OR1G1: variants seen among roughly 807,000 people sequenced by gnomAD.
OR1G1 encodes the protein olfactory receptor 1G1.
For missense variants in OR1G1, 347 were observed against 375.5 expected (o/e 0.92, Z 0.63); for synonymous variants, 145 against 149.6 (o/e 0.97, Z 0.22).
Position 3,127,278 on chromosome 17 carries a change from T to C in OR1G1, c.274A>G (p.Ile92Val). The C allele has an allele frequency of 1.2e-6, 2 of 1,614,154 alleles. No homozygotes were observed. The highest frequency in any genetic ancestry group is 2.7e-5 in the African/African-American group (2 of 75,028). Residue 92 changes from isoleucine to valine, a missense_variant, in exon 1 of 1, where the codon ATC (isoleucine) becomes GTC (valine). Coordinates refer to ENST00000328890, the MANE Select transcript of OR1G1 (RefSeq NM_003555.1). ...LANIQIQSQAISYSGCLLQLY... is the reference protein window; with the variant it reads ...LANIQIQSQAVSYSGCLLQLY... The stretch of plus-strand genomic sequence containing the variant: ...TGTAGTAGACACCCTGAGTAGGAGA[T>C]GGCCTGACTCTGGATCTGTATGTTT...
Position 3,127,427 on chromosome 17 carries a change from T to A in OR1G1, c.125A>T (p.Asn42Ile). Residue 42 changes from asparagine to isoleucine, a missense_variant, in exon 1 of 1, where the codon AAC (asparagine) becomes ATC (isoleucine). Asn to Ile is a moderately radical substitution (Grantham distance 149). Transcript: ENST00000328890. Reference protein sequence around the residue: ...LFMYLVTVAGNLLIILVIITD... With the variant: ...LFMYLVTVAGILLIILVIITD... Reference sequence around the variant, plus strand: ...AATGATGACTAGAATGATGAGGAGGTTGCCTGCCACCGTGACCAAGTACAT... The same window carrying A: ...AATGATGACTAGAATGATGAGGAGGATGCCTGCCACCGTGACCAAGTACAT... The A allele has an allele frequency of 6.2e-7, 1 of 1,613,532 alleles. No homozygotes were observed. The highest frequency in any genetic ancestry group is 8.5e-7 in the Non-Finnish European group (1 of 1,179,808).
chr17:3,127,167 G>A lies in OR1G1; in HGVS notation c.385C>T (p.Pro129Ser). The A allele has an allele frequency of 6.2e-7, 1 of 1,614,146 alleles. No homozygotes were observed. The highest frequency in any genetic ancestry group is 8.5e-7 in the Non-Finnish European group (1 of 1,180,038). ...AYDCYVAICHPLHYILIMSPG... is the reference protein window; with the variant it reads ...AYDCYVAICHSLHYILIMSPG... ...CTCATGATCAGAATGTAATGAAGTGGGTGGCATATGGCCACGTAGCAGTCA... is the reference window on the plus strand; with the variant it reads ...CTCATGATCAGAATGTAATGAAGTGAGTGGCATATGGCCACGTAGCAGTCA... Residue 129 changes from proline to serine, a missense_variant, in exon 1 of 1, where the codon CCA (proline) becomes TCA (serine). Physicochemically the swap from Pro to Ser is moderately conservative, Grantham distance 74. Transcript: ENST00000328890.
Position 3,127,110 on chromosome 17 carries a change from A to T in OR1G1, c.442T>A (p.Ser148Thr). 6.2e-7 allele frequency: 1 copy of T among 1,614,126 alleles called. No individual in the cohort carries two copies. The highest frequency in any genetic ancestry group is 1.1e-5 in the South Asian group (1 of 91,082). Residue 148 changes from serine to threonine, a missense_variant, in exon 1 of 1, where the codon TCC (serine) becomes ACC (threonine). Transcript: ENST00000328890. ...GAGTGGAGGGCATTCATGATCCAGG[A>T]TGCAGACACGAGGAAGATGCAGAGC... ...PGLCIFLVSA[S>T]WIMNALHSLL...
Position 3,126,799 on chromosome 17 carries a change from G to C in OR1G1, c.753C>G (p.Phe251Leu), listed in dbSNP as rs768252800. ...CSSHLSVVSL[F>L]FGTSFCVDFS... ...AATCAACACAAAAAGAAGTCCCAAA[G>C]AAGAGAGAGACCACGGAGAGATGAG... Residue 251 changes from phenylalanine (F) to leucine (L), a missense_variant, in exon 1 of 1, where the codon TTC (phenylalanine) becomes TTG (leucine). Phe to Leu is a conservative substitution (Grantham distance 22). Coordinates refer to ENST00000328890, the MANE Select transcript of OR1G1 (RefSeq NM_003555.1). The C allele has an allele frequency of 1.2e-6, 2 of 1,613,872 alleles. No homozygotes were observed. Among genetic ancestry groups the C allele is most frequent in the Non-Finnish European group, 1.7e-6 (2 of 1,179,914 alleles).
rs373171702 is a variant in OR1G1 at position 3,126,962 on chromosome 17, A to T, written c.590T>A (p.Leu197Gln). Residue 197 changes from leucine to glutamine, a missense_variant, in exon 1 of 1, where the codon CTG becomes CAG. By Grantham distance (113) the Leu-to-Gln change is moderately radical. Coordinates refer to ENST00000328890, the MANE Select transcript of OR1G1 (RefSeq NM_003555.1). ...GAGACCCCCAGTGATGAAGATCACC[A>T]GCTCATTGGTGAAGGGGTCTGTGCA... ...LSCTDPFTNELVIFITGGLTG... is the reference protein window; with the variant it reads ...LSCTDPFTNEQVIFITGGLTG... The T allele has an allele frequency of 1.2e-6, 2 of 1,614,066 alleles. No homozygotes were observed. The highest frequency in any genetic ancestry group is 2.7e-5 in the African/African-American group (2 of 74,938).
rs371225357 is a variant in OR1G1 at position 3,127,342 on chromosome 17, A to G, written c.210T>C (p.Asp70=). Residue 70 remains aspartate, a synonymous_variant, in exon 1 of 1, where the codon GAT becomes GAC. Transcript: ENST00000328890. ...YFFLANLSLA[D]ACFVSTTVPK... ...GGACTGTGGTGGACACAAAGCAGGC[A>G]TCTGCAAGGGAGAGGTTGGCTAGAA... 23 of 1,614,224 alleles carry G rather than the reference A, an allele frequency of 1.4e-5. No homozygotes were observed. Among genetic ancestry groups the G allele is most frequent in the South Asian group, 6.6e-5 (6 of 91,080 alleles).
rs747824660 is a variant in OR1G1, at chr17:3,126,866, G to A, written c.686C>T (p.Pro229Leu). 1 of 1,614,120 alleles carries A rather than the reference G, an allele frequency of 6.2e-7. No individual in the cohort carries two copies. The highest frequency in any genetic ancestry group is 8.5e-7 in the Non-Finnish European group (1 of 1,180,016). ...GGCTTTCCGCTTCCCCTGAGCTGAT[G>A]GGATCTTCAGGATGGTCGAGAAAAC... ...TNVFSTILKI[P>L]SAQGKRKAFS... is the part of the protein sequence containing the mutation. Residue 229 changes from proline (P) to leucine (L), a missense_variant, in exon 1 of 1, where the codon CCA (proline) becomes CTA (leucine). Transcript: ENST00000328890.
rs2047998439 is a variant in OR1G1, at chr17:3,126,701, A to G, written c.851T>C (p.Met284Thr). 1 of 1,613,400 alleles carries G rather than the reference A, an allele frequency of 6.2e-7. No homozygotes were observed. The highest frequency in any genetic ancestry group is 8.5e-7 in the Non-Finnish European group (1 of 1,179,812). ...ASVMYTVVTPMLNPFIYSLRN... is the reference protein window; with the variant it reads ...ASVMYTVVTPTLNPFIYSLRN... ...CAAACTGTAGATAAAGGGATTCAAC[A>G]TTGGAGTTACCACTGTGTACATCAC... Residue 284 changes from methionine (M) to threonine (T), a missense_variant, in exon 1 of 1, where the codon ATG (methionine) becomes ACG (threonine). By Grantham distance (81) the Met-to-Thr change is moderately conservative (BLOSUM62 -1). Transcript: ENST00000328890.
chr17:3,126,681 T>G lies in OR1G1; in HGVS notation c.871A>C (p.Ser291Arg), dbSNP rs763772454. Residue 291 changes from serine (S) to arginine (R), a missense_variant, in exon 1 of 1, where the codon AGT becomes CGT. Ser to Arg is a moderately radical substitution (Grantham distance 110, BLOSUM62 -1). Transcript: ENST00000328890. ...VTPMLNPFIY[S>R]LRNQEIKSSL... is the part of the protein sequence containing the mutation. ...GACTTTATTTCTTGGTTCCTCAAAC[T>G]GTAGATAAAGGGATTCAACATTGGA... 3.7e-6 allele frequency: 6 copies of G among 1,605,824 alleles called. No individual in the cohort carries two copies. The highest frequency in any genetic ancestry group is 5.1e-6 in the Non-Finnish European group (6 of 1,177,518).
rs200684411 is a variant in OR1G1, at chr17:3,126,870, T to A, written c.682A>T (p.Ile228Phe). ...TTCCGCTTCCCCTGAGCTGATGGGA[T>A]CTTCAGGATGGTCGAGAAAACGTTC... ...YTNVFSTILK[I>F]PSAQGKRKAF... is the part of the protein sequence containing the mutation. The change falls in exon 1 of 1, where the codon ATC (isoleucine) becomes TTC (phenylalanine). Residue 228 changes from isoleucine to phenylalanine, a missense_variant. Ile to Phe is a conservative substitution (Grantham distance 21, BLOSUM62 0). Transcript: ENST00000328890. The A allele has an allele frequency of 1.2e-6, 2 of 1,613,890 alleles. No homozygotes were observed. The highest frequency in any genetic ancestry group is 1.7e-6 in the Non-Finnish European group (2 of 1,179,958).
At position 3,126,715 on chromosome 17, in the gene OR1G1, T is replaced by G. The variant is rs765225680; in HGVS notation, c.837A>C (p.Thr279=). 2.0e-5 allele frequency: 32 copies of G among 1,613,924 alleles called. No homozygotes were observed. Among genetic ancestry groups the G allele is most frequent in the Non-Finnish European group, 2.6e-5 (31 of 1,179,972 alleles). The change falls in exon 1 of 1, where the codon ACA becomes ACC. Residue 279 remains threonine (T), a synonymous_variant. Coordinates refer to ENST00000328890, the MANE Select transcript of OR1G1 (RefSeq NM_003555.1). The part of the protein sequence containing the change: ...QKDTVASVMY[T]VVTPMLNPFI... ...AGGGATTCAACATTGGAGTTACCAC[T>G]GTGTACATCACTGATGCAACTGTGT...
In OR1G1 at chr17:3,127,536, G is replaced by T. The variant is rs1567956731; in HGVS notation, c.16C>A (p.Leu6Met). Residue 6 changes from leucine (L) to methionine (M), a missense_variant, in exon 1 of 1, where the codon CTG becomes ATG. Physicochemically the swap from Leu to Met is conservative, Grantham distance 15 (BLOSUM62 2). Transcript: ENST00000328890. The part of the protein sequence containing the change: MEGKN[L>M]TSISECFLLG... ...AGGAAACATTCTGAGATGCTGGTCA[G>T]ATTTTTCCCCTCCATTTGTCTGTAG... 7.4e-6 allele frequency: 12 copies of T among 1,612,844 alleles called. No homozygotes were observed. Among genetic ancestry groups the T allele is most frequent in the Non-Finnish European group, 1.0e-5 (12 of 1,179,396 alleles).
chr17:3,126,952 G>A lies in OR1G1; in HGVS notation c.600C>T (p.Phe200=). ...TGAGTCCTGTGAGACCCCCAGTGAT[G>A]AAGATCACCAGCTCATTGGTGAAGG... ...TDPFTNELVI[F]ITGGLTGLIC... The change falls in exon 1 of 1, where the codon TTC becomes TTT. Residue 200 remains phenylalanine, a synonymous_variant. Transcript: ENST00000328890. The A allele has an allele frequency of 1.2e-6, 2 of 1,614,170 alleles. No homozygotes were observed. Among genetic ancestry groups the A allele is most frequent in the Non-Finnish European group, 1.7e-6 (2 of 1,180,028 alleles).
At position 3,127,528 on chromosome 17, in the gene OR1G1, G is replaced by A. The variant is rs145185747; in HGVS notation, c.24C>T (p.Ser8=). The change falls in exon 1 of 1, where the codon AGC becomes AGT. Residue 8 remains serine (S), a synonymous_variant. Coordinates refer to ENST00000328890, the MANE Select transcript of OR1G1 (RefSeq NM_003555.1). MEGKNLT[S]ISECFLLGFS... ...ACCCCAGGAGGAAACATTCTGAGAT[G>A]CTGGTCAGATTTTTCCCCTCCATTT... 1.1e-3 allele frequency: 1,723 copies of A among 1,613,092 alleles called. 23 individuals carry two copies. The East Asian group carries it at 0.03, about 28-fold the overall frequency.
rs569673538 is a variant in OR1G1, at chr17:3,126,943, C to T, written c.609G>A (p.Gly203=). ...GCACACAAATGAGTCCTGTGAGACC[C>T]CCAGTGATGAAGATCACCAGCTCAT... ...FTNELVIFIT[G]GLTGLICVLC... Residue 203 remains glycine, a synonymous_variant, in exon 1 of 1, where the codon GGG becomes GGA. Coordinates refer to ENST00000328890, the MANE Select transcript of OR1G1 (RefSeq NM_003555.1). 2 of 1,614,060 alleles carry T rather than the reference C, an allele frequency of 1.2e-6. No homozygotes were observed. Among genetic ancestry groups the T allele is most frequent in the East Asian group, 2.2e-5 (1 of 44,870 alleles).
rs1253583887 is a variant in OR1G1 at position 3,127,365 on chromosome 17, GA to G, written c.186del (p.Leu63Ter). On this transcript the variant is annotated frameshift_variant, in exon 1 of 1. Transcript: ENST00000328890. LOFTEE classifies it low-confidence loss of function (END_TRUNC). ...GCATCTGCAAGGGAGAGGTTGGCTA[GA>G]AAGAAGTACATGGGGGTATGGAGTT... ...DTQLHTPMYF[F>X]LANLSLADAC... The G allele has an allele frequency of 1.2e-6, 2 of 1,614,064 alleles. No homozygotes were observed. Among genetic ancestry groups the G allele is most frequent in the African/African-American group, 1.3e-5 (1 of 74,920 alleles).
rs2047998152 is a variant in OR1G1 at position 3,126,622 on chromosome 17, A to G, written c.930T>C (p.Ile310=). 2 of 1,577,172 alleles carry G rather than the reference A, an allele frequency of 1.3e-6. No individual in the cohort carries two copies. The highest frequency in any genetic ancestry group is 1.7e-6 in the Non-Finnish European group (2 of 1,163,476). ...SLRKLIWVRK[I]HSP is the part of the protein sequence containing the mutation. ...CAAGTCACTACCACTAAGGGGAATG[A>G]ATTTTCCGAACCCAGATTAACTTTC... is the stretch of plus-strand genomic sequence containing the variant. The change falls in exon 1 of 1, where the codon ATT becomes ATC. Residue 310 remains isoleucine (I), a synonymous_variant. Coordinates refer to ENST00000328890, the MANE Select transcript of OR1G1 (RefSeq NM_003555.1).
rs139946195 is a variant in OR1G1 at position 3,126,848 on chromosome 17, C to T, written c.704G>A (p.Arg235Gln). 1.2e-4 allele frequency: 196 copies of T among 1,614,052 alleles called. No individual in the cohort carries two copies. In the Admixed American group the frequency reaches 2.2e-3, roughly 18 times the overall value. The change falls in exon 1 of 1, where the codon CGG becomes CAG. Residue 235 changes from arginine (R) to glutamine (Q), a missense_variant. Arg to Gln is a conservative substitution (Grantham distance 43). Transcript: ENST00000328890. ...AGAGCTGCAGGTGGAAAAGGCTTTC[C>T]GCTTCCCCTGAGCTGATGGGATCTT... ...ILKIPSAQGK[R>Q]KAFSTCSSHL...
At position 3,127,035 on chromosome 17, in the gene OR1G1, C is replaced by T. The variant is rs760534327; in HGVS notation, c.517G>A (p.Glu173Lys). The T allele has an allele frequency of 2.5e-6, 4 of 1,614,050 alleles. 1 individual carries two copies. In the South Asian group the frequency reaches 4.4e-5, roughly 18 times the overall value. The change falls in exon 1 of 1, where the codon GAG (glutamate) becomes AAG (lysine). Residue 173 changes from glutamate to lysine, a missense_variant. Transcript: ENST00000328890. ...ATGTCACAGAAGAAGTGTGGGATCT[C>T]ATGGTTTGCGCAGAAGGACAGGCTG... ...MNSLSFCANH[E>K]IPHFFCDINP...
Sources: allele counts gnomAD v4.1 joint callset, GRCh38; gene constraint gnomAD v4.1.1; transcripts MANE v1.5; gene names NCBI Gene and HGNC (gene_info 2026-07-23, HGNC 2026-07-21).